PTPN3: variants seen among roughly 807,000 people sequenced by gnomAD.
PTPN3 encodes the protein protein tyrosine phosphatase non-receptor type 3.
Under a neutral mutation model 132.7 loss-of-function variants are expected in PTPN3, and 96 were observed. The ratio of observed to expected loss-of-function variants is 0.72; its 90% confidence interval spans 0.61 to 0.86. The LOEUF (loss-of-function observed/expected upper bound fraction) is 0.86. Among genes scored for constraint, PTPN3 ranks in the 40% least tolerant of loss-of-function variants. The probability of loss-of-function intolerance (pLI) is 0.00; values close to 1 mark genes in which losing one functional copy is unlikely to be tolerated. For missense variants in PTPN3, 1,125 were observed against 1,159.6 expected (o/e 0.97, Z 0.43); for synonymous variants, 398 against 429.0 (o/e 0.93, Z 0.89).
At chr9:109,417,872 G>T in intron 14 of PTPN3, 1 of 825,614 alleles carries the variant, frequency 1.2e-6, no homozygotes, top group Non-Finnish European at 1.5e-6. Flanking sequence ...GCCCCAAGAT[G>T]ACACACTTTA....
the PTPN3 span, among the ~76,000 whole-genome samples, chr9:109,531,495 C>T: frequency 7.5e-3 from 1,145 of 152,316 alleles, 10 homozygotes; most frequent in African/African-American, 0.026. Context: ...TCTTGGTTTA[C>T]ACCCACTCGC....
At chr9:109,447,891 C>G (rs1020775005) in intron 6 of PTPN3, among the ~76,000 whole-genome samples, 5 of 152,160 alleles carry the variant, frequency 3.3e-5, no homozygotes, top group Admixed American at 2.6e-4. Flanking sequence ...ACGAACAGCC[C>G]TCTCTATTCT....
At chr9:109,430,948 G>A (rs1319268836) in intron 10 of PTPN3, among the ~76,000 whole-genome samples, 1 of 152,214 alleles carries the variant, frequency 6.6e-6, no homozygotes, top group Non-Finnish European at 1.5e-5. Context: ...AAGCTCAGCT[G>A]GTGTTCAGAT....
intron 10 of PTPN3, chr9:109,429,016 T>C: frequency 2.0e-6 from 2 of 985,452 alleles, no homozygotes; most frequent in Non-Finnish European, 2.4e-6. Context: ...GGAAGACAGC[T>C]GAGAGCAGCA....
At chr9:109,452,255 G>A (rs564471227) in intron 5 of PTPN3, among the ~76,000 whole-genome samples, 194 of 121,278 alleles carry the variant, frequency 1.6e-3, no homozygotes, top group Non-Finnish European at 2.8e-3. Flanking sequence ...GTGACAGAGC[G>A]AGCTCCGTCT....
At chr9:109,390,176 G>A (rs144558847) in intron 21 of PTPN3, among the ~76,000 whole-genome samples, 75 of 152,280 alleles carry the variant, frequency 4.9e-4, no homozygotes, top group East Asian at 1.7e-3. Flanking sequence ...TTAAGACACC[G>A]GGAATGTTGA....
intron 1 of PTPN3, among the ~76,000 whole-genome samples, chr9:109,489,500 C>T (rs1419872160): frequency 3.3e-5 from 5 of 152,176 alleles, no homozygotes; most frequent in Non-Finnish European, 5.9e-5. Context: ...CGTGACCACA[C>T]GTCCGGATTT....
At chr9:109,534,043 G>A in the PTPN3 span, 16 of 769,660 alleles carry the variant, frequency 2.1e-5, no homozygotes, top group Non-Finnish European at 3.9e-5. Context: ...GTACCTCCTG[G>A]GGTTATTCTT....
At chr9:109,491,809 TGCAGCAGGAAG>T (rs1847475234) in intron 1 of PTPN3, among the ~76,000 whole-genome samples, 1 of 152,198 alleles carries the variant, frequency 6.6e-6, no homozygotes, top group South Asian at 2.1e-4. Flanking sequence ...TTGCAGTCCC[TGCAGCAGGAAG>T]GAGCACGGTG....
intron 10 of PTPN3, 50 bp from the exon 11 acceptor site, chr9:109,428,734 G>C: frequency 1.9e-6 from 3 of 1,577,852 alleles, no homozygotes; most frequent in Non-Finnish European, 2.6e-6. Context: ...GGATCGGCCA[G>C]GTTGAAGCTG....
At chr9:109,432,022 T>C (rs1224983144) in intron 10 of PTPN3, among the ~76,000 whole-genome samples, 1 of 148,970 alleles carries the variant, frequency 6.7e-6, no homozygotes, top group Non-Finnish European at 1.5e-5. Context: ...TATAATTATA[T>C]ATTTATGTGT....
chr9:109,409,639 G>A (rs968165944), intron 16 of PTPN3, among the ~76,000 whole-genome samples: 21 of 151,978 alleles, frequency 1.4e-4, no homozygotes, highest in Non-Finnish European at 2.6e-4. Context: ...GGACAACATG[G>A]TGAAACCCCA....
Position 109,450,744 on chromosome 9 carries a change from G to A in PTPN3, c.369-1889C>T, listed in dbSNP as rs992365894. 13 of 985,284 alleles carry A rather than the reference G, an allele frequency of 1.3e-5. No homozygotes were observed. The East Asian group carries it at 1.4e-3, about 103-fold the overall frequency. 61.0% of individuals were successfully genotyped at this position (985,284 alleles called of 1,614,324 possible). A position where few individuals can be genotyped will look rare whatever the true frequency, so the allele number is the denominator to read the frequency against. On this transcript the variant is annotated intron_variant, in intron 5 of 25. Transcript: ENST00000374541. ...ATATTTATTTAACAATTAGAATACAGGATAGTTCTTTAGAAGAGATGCCTG... is the reference window on the plus strand; with the variant it reads ...ATATTTATTTAACAATTAGAATACAAGATAGTTCTTTAGAAGAGATGCCTG...
At chr9:109,475,658 C>T (rs778024956) in intron 1 of PTPN3, among the ~76,000 whole-genome samples, 8 of 152,200 alleles carry the variant, frequency 5.3e-5, no homozygotes, top group East Asian at 3.8e-4. Context: ...GGCACAGACA[C>T]GCCCATTTGG....
intron 10 of PTPN3, among the ~76,000 whole-genome samples, chr9:109,432,110 A>G (rs1419281743): frequency 6.7e-6 from 1 of 149,384 alleles, no homozygotes; most frequent in African/African-American, 2.4e-5. Context: ...CATTAATATT[A>G]TATATATTAT....
intron 1 of PTPN3, among the ~76,000 whole-genome samples, chr9:109,465,677 C>A (rs533754154): frequency 4.2e-5 from 6 of 141,658 alleles, no homozygotes; most frequent in Admixed American, 1.4e-4. Context: ...CCATTGCACT[C>A]CCTGGGCAAA....
intron 19 of PTPN3, among the ~76,000 whole-genome samples, chr9:109,401,715 AG>A (rs1401465914): frequency 5.9e-5 from 9 of 152,174 alleles, no homozygotes; most frequent in Non-Finnish European, 1.0e-4. Context: ...GGCATTGCCC[AG>A]GATCTGCACT....
chr9:109,379,503 T>G lies in PTPN3; in HGVS notation c.*53A>C. ...CTGCTTCCAGAGAGGTCTGTCCTCC[T>G]CTTTCAAGGAGGATGCCCTTGGGAA... On this transcript the variant is annotated 3_prime_UTR_variant, in exon 26 of 26. Transcript: ENST00000374541. The G allele has an allele frequency of 2.6e-6, 4 of 1,532,688 alleles. No homozygotes were observed. The highest frequency in any genetic ancestry group is 3.6e-6 in the Non-Finnish European group (4 of 1,106,544). 94.9% of individuals were successfully genotyped at this position (1,532,688 alleles called of 1,614,324 possible).
chr9:109,410,212 T>C lies in PTPN3; in HGVS notation c.1500+17A>G. 6.2e-7 allele frequency: 1 copy of C among 1,612,166 alleles called. No homozygotes were observed. The highest frequency in any genetic ancestry group is 8.5e-7 in the Non-Finnish European group (1 of 1,178,448). The stretch of plus-strand genomic sequence containing the variant: ...GCCCTGGGTGTGTGGATCACCCGGC[T>C]GCCTGCGCTCGCTCACCTTGTCACA... On this transcript the variant is annotated intron_variant, in intron 15 of 25. Coordinates refer to ENST00000374541, the MANE Select transcript of PTPN3 (RefSeq NM_002829.4).
Sources: gnomAD v4.1 joint callset for allele counts (sites outside exome capture counted in the v4.1 genomes callset) on GRCh38, gnomAD v4.1.1 for gene constraint, MANE v1.5 for transcripts, NCBI Gene and HGNC (gene_info 2026-07-23, HGNC 2026-07-21) for gene names.